Variants in DNAH11 observed in about 807,000 individuals in gnomAD.
The protein encoded by DNAH11 is dynein axonemal heavy chain 11.
DNAH11 carries 442 observed loss-of-function variants against 526.0 expected under a neutral mutation model. That is an observed-to-expected ratio of 0.84 (90% CI 0.78 to 0.91). The LOEUF (loss-of-function observed/expected upper bound fraction) is 0.91. DNAH11 is among the 40% of genes least tolerant of loss of function. The probability of loss-of-function intolerance (pLI) is 0.00; values close to 1 mark genes in which losing one functional copy is unlikely to be tolerated. For synonymous variants in DNAH11, 2,461 were observed against 1,935.9 expected, an observed-to-expected ratio of 1.27 and a Z score of -7.12; for missense variants, 6,989 against 5,448.7, an observed-to-expected ratio of 1.28 and a Z score of -8.90.
rs138661504 is a variant in DNAH11 at position 21,557,175 on chromosome 7, C to T, written c.496-1627C>T. ...AGAGTTCTTCACAAACTACCCGTGC[C>T]GTCCTCACAGCCCAAGTATTGCCAT... On this transcript the variant is annotated intron_variant, in intron 2 of 81. Coordinates refer to ENST00000409508, the MANE Select transcript of DNAH11 (RefSeq NM_001277115.2). Among the ~76,000 whole-genome samples the T allele has an allele frequency of 1.7e-3, 265 of 152,242 alleles. 1 individual carries two copies. Among genetic ancestry groups the T allele is most frequent in the African/African-American group, 6.0e-3 (250 of 41,550 alleles).
intron 18 of DNAH11, among the ~76,000 whole-genome samples, chr7:21,605,175 A>T (rs1175324814): frequency 6.6e-6 from 1 of 152,244 alleles, no homozygotes; most frequent in Non-Finnish European, 1.5e-5. Flanking sequence ...GACCTAGCAC[A>T]GTGCGTTTTT....
chr7:21,786,504 T>G, intron 58 of DNAH11, 120 bp from the exon 59 acceptor site: 43 of 1,315,380 alleles, frequency 3.3e-5, no homozygotes, highest in Non-Finnish European at 3.9e-5. Context: ...ATTGCCAAAT[T>G]GAGACTGGTT....
intron 8 of DNAH11, among the ~76,000 whole-genome samples, chr7:21,573,991 G>A (rs534723565): frequency 1.3e-5 from 2 of 152,276 alleles, no homozygotes; most frequent in Admixed American, 6.5e-5. Flanking sequence ...TTGGCGTACC[G>A]AAAGGTTTGC....
Position 21,601,424 on chromosome 7 carries a change from G to C in DNAH11, c.3454G>C (p.Glu1152Gln). The change falls in exon 18 of 82, where the codon GAG becomes CAG. Residue 1152 changes from glutamate to glutamine, a missense_variant. Glu to Gln is a conservative substitution (Grantham distance 29). Coordinates refer to ENST00000409508, the MANE Select transcript of DNAH11 (RefSeq NM_001277115.2). ...GAATGAGCTACAAGAATTTATAAAG[G>C]AGACAGATTCCGGACTTCAGAGAGA... is the stretch of plus-strand genomic sequence containing the variant. ...SLNELQEFIK[E>Q]TDSGLQRELN... The C allele has an allele frequency of 6.2e-7, 1 of 1,613,084 alleles. No individual in the cohort carries two copies. The highest frequency in any genetic ancestry group is 8.5e-7 in the Non-Finnish European group (1 of 1,179,472).
chr7:21,607,308 G>A (rs1466117650), intron 20 of DNAH11, among the ~76,000 whole-genome samples: 1 of 152,132 alleles, frequency 6.6e-6, no homozygotes, highest in Non-Finnish European at 1.5e-5. Flanking sequence ...TCCTAGCTGT[G>A]CTGGCAGCTG....
rs542328010 is a variant in DNAH11 at position 21,901,318 on chromosome 7, C to T, written c.*64C>T. 1.3e-5 allele frequency: 19 copies of T among 1,470,444 alleles called. No homozygotes were observed. In the Admixed American group the frequency reaches 3.4e-4, roughly 27 times the overall value. 91.1% of individuals were successfully genotyped at this position (1,470,444 alleles called of 1,614,324 possible). On this transcript the variant is annotated 3_prime_UTR_variant, in exon 82 of 82. Coordinates refer to ENST00000409508, the MANE Select transcript of DNAH11 (RefSeq NM_001277115.2). ...GTGAGGATTTTCTAGCATGTTGCTGCACTGTTCCCATGCACATTATTCTAA... is the reference window on the plus strand; with the variant it reads ...GTGAGGATTTTCTAGCATGTTGCTGTACTGTTCCCATGCACATTATTCTAA...
In DNAH11 at chr7:21,625,644, C is replaced by G. The variant is rs530470579; in HGVS notation, c.4500+5566C>G. ...TGTTGTAAACACTTATTGCTAAAAA[C>G]TTCCCTCTTAGAACTGGTTTTGCTG... On this transcript the variant is annotated intron_variant, in intron 25 of 81. Coordinates refer to ENST00000409508, the MANE Select transcript of DNAH11 (RefSeq NM_001277115.2). Among the ~76,000 whole-genome samples the G allele has an allele frequency of 2.0e-5, 3 of 152,188 alleles. No individual in the cohort carries two copies. The East Asian group carries it at 5.8e-4, about 29-fold the overall frequency.
At chr7:21,687,605 A>G (rs923560914) in intron 34 of DNAH11, 78 bp downstream of exon 34, 6 of 1,482,214 alleles carry the variant, frequency 4.0e-6, no homozygotes, top group Middle Eastern at 3.6e-4. Context: ...TTCACTGTCT[A>G]TTGCTACCTC....
Position 21,787,455 on chromosome 7 carries a change from A to T in DNAH11, c.9796A>T (p.Asn3266Tyr). 1 of 1,613,608 alleles carries T rather than the reference A, an allele frequency of 6.2e-7. No homozygotes were observed. Among genetic ancestry groups the T allele is most frequent in the Non-Finnish European group, 8.5e-7 (1 of 1,179,668 alleles). ...CTATGACAAAGAGCACATTCCAGAG[A>T]ACTGTCTAAAAGTGGTGAATGAACA... ...INYDKEHIPENCLKVVNEHYL... is the reference protein window; with the variant it reads ...INYDKEHIPEYCLKVVNEHYL... Residue 3266 changes from asparagine to tyrosine, a missense_variant, in exon 60 of 82, where the codon AAC (asparagine) becomes TAC (tyrosine). By Grantham distance (143) the Asn-to-Tyr change is moderately radical. Coordinates refer to ENST00000409508, the MANE Select transcript of DNAH11 (RefSeq NM_001277115.2).
At chr7:21,616,488 A>G (rs575485445) in intron 22 of DNAH11, among the ~76,000 whole-genome samples, 196 bp downstream of exon 22, 1 of 152,210 alleles carries the variant, frequency 6.6e-6, no homozygotes, top group South Asian at 2.1e-4. Flanking sequence ...GTGAGTTGAT[A>G]GAAGCATATT....
chr7:21,632,862 C>A lies in DNAH11; in HGVS notation c.4501-3009C>A, dbSNP rs568250957. ...TTCGGGTGTCTTTTCAATAGCACCC[C>A]ACCCTATTGGTACCAATTTACTGAA... On this transcript the variant is annotated intron_variant, in intron 25 of 81. Transcript: ENST00000409508. Among the ~76,000 whole-genome samples, 3 of 152,290 alleles carry A rather than the reference C, an allele frequency of 2.0e-5. No individual in the cohort carries two copies. In the South Asian group the frequency reaches 6.2e-4, roughly 32 times the overall value.
At chr7:21,790,253 T>C (rs1322205158) in intron 61 of DNAH11, among the ~76,000 whole-genome samples, 2 of 152,034 alleles carry the variant, frequency 1.3e-5, no homozygotes, top group Non-Finnish European at 2.9e-5. Context: ...GAGACCATCC[T>C]GGCTAACACG....
chr7:21,716,431 C>G (rs1013296750), intron 42 of DNAH11, among the ~76,000 whole-genome samples: 1 of 152,160 alleles, frequency 6.6e-6, no homozygotes, highest in Non-Finnish European at 1.5e-5. Context: ...TATTATTACC[C>G]TCTCCATTTA....
intron 74 of DNAH11, 38 bp downstream of exon 74, chr7:21,873,539 A>C (rs778768320): frequency 8.8e-6 from 14 of 1,596,350 alleles, no homozygotes; most frequent in Non-Finnish European, 1.1e-5. Context: ...CAATGAAGTC[A>C]GAGTCATCTC....
At chr7:21,680,378 A>G (rs926337777) in intron 30 of DNAH11, among the ~76,000 whole-genome samples, 4 of 152,240 alleles carry the variant, frequency 2.6e-5, no homozygotes, top group Non-Finnish European at 5.9e-5. Flanking sequence ...ACCTGGAATA[A>G]GGCAGAAATA....
Position 21,786,886 on chromosome 7 carries a change from G to A in DNAH11, c.9741+119G>A, listed in dbSNP as rs72657386. On this transcript the variant is annotated intron_variant, in intron 59 of 81. Coordinates refer to ENST00000409508, the MANE Select transcript of DNAH11 (RefSeq NM_001277115.2). ...AGAAGAAATCATCTTCATAGTTGCT[G>A]AATGTAATCTACTGTATATGTTCTC... is the stretch of plus-strand genomic sequence containing the variant. The A allele has an allele frequency of 3.1e-4, 436 of 1,391,884 alleles. 1 individual carries two copies. In the African/African-American group the frequency reaches 5.5e-3, roughly 18 times the overall value. 86.2% of individuals were successfully genotyped at this position (1,391,884 alleles called of 1,614,324 possible).
Position 21,796,677 on chromosome 7 carries a change from C to T in DNAH11, c.10027-4460C>T, listed in dbSNP as rs1218455615. On this transcript the variant is annotated intron_variant, in intron 61 of 81. Transcript: ENST00000409508. ...ATACCACAGTGCATCTGAGCATAGG[C>T]TGTGGGGCCAAACATCACGTGTTAC... Among the ~76,000 whole-genome samples, 6 of 152,290 alleles carry T rather than the reference C, an allele frequency of 3.9e-5. No individual in the cohort carries two copies. The East Asian group carries it at 1.2e-3, about 29-fold the overall frequency.
intron 44 of DNAH11, 123 bp from the exon 45 acceptor site, chr7:21,725,688 C>A: frequency 1.1e-6 from 1 of 908,180 alleles, no homozygotes. Context: ...AAAATTTGTG[C>A]TTGATGGGTA....
intron 54 of DNAH11, among the ~76,000 whole-genome samples, chr7:21,752,353 G>A (rs1233006309): frequency 6.6e-6 from 1 of 152,172 alleles, no homozygotes; most frequent in Non-Finnish European, 1.5e-5. Flanking sequence ...ATTTGGGTGG[G>A]TAGCTTGTGA....
Sources: gnomAD v4.1 joint callset for allele counts (sites outside exome capture counted in the v4.1 genomes callset) on GRCh38, gnomAD v4.1.1 for gene constraint, MANE v1.5 for transcripts, NCBI Gene and HGNC (gene_info 2026-07-23, HGNC 2026-07-21) for gene names.